The following HIBCH variants were observed in gnomAD, a reference collection of about 807,000 sequenced individuals.
The protein encoded by HIBCH is 3-hydroxyisobutyryl-CoA hydrolase.
Under a neutral mutation model 58.2 loss-of-function variants are expected in HIBCH, and 50 were observed. The ratio of observed to expected loss-of-function variants is 0.86; its 90% confidence interval spans 0.68 to 1.09. The LOEUF is 1.09. Ranked by LOEUF, HIBCH falls within the 50% of genes least tolerant of loss-of-function variation. The pLI is 0.00. For synonymous variants in HIBCH, 151 were observed against 146.9 expected, an observed-to-expected ratio of 1.03 and a Z score of -0.20; for missense variants, 450 against 449.7, an observed-to-expected ratio of 1.00 and a Z score of -0.01.
chr2:190,230,236 T>C (rs1686053591), intron 11 of HIBCH, among the ~76,000 whole-genome samples: 2 of 151,432 alleles, frequency 1.3e-5, no homozygotes, highest in Admixed American at 6.6e-5. Flanking sequence ...ATAAAGAGCC[T>C]GAAAATATAA....
At chr2:190,198,447 C>G (rs1690079798) in intron 1 of HIBCH, among the ~76,000 whole-genome samples, 1 of 151,886 alleles carries the variant, frequency 6.6e-6, no homozygotes, top group Non-Finnish European at 1.5e-5. Flanking sequence ...TCAAGACCAG[C>G]CTGGGCAAAA....
intron 11 of HIBCH, among the ~76,000 whole-genome samples, chr2:190,222,507 A>G (rs1164740536): frequency 6.6e-6 from 1 of 152,234 alleles, no homozygotes; most frequent in Non-Finnish European, 1.5e-5. Flanking sequence ...GCAGCCAACA[A>G]GCATATGAAA....
Position 190,254,996 on chromosome 2 carries a change from G to C in HIBCH, c.518-2689C>G, listed in dbSNP as rs951120224. Among the ~76,000 whole-genome samples the C allele has an allele frequency of 1.3e-4, 20 of 152,148 alleles. No homozygotes were observed. The highest frequency in any genetic ancestry group is 3.6e-4 in the African/African-American group (15 of 41,438). ...AAATTTTAAAAGCCACTTGTGGCTAGTGGCTATACAGTATTGGACAGTGTA... is the reference window on the plus strand; with the variant it reads ...AAATTTTAAAAGCCACTTGTGGCTACTGGCTATACAGTATTGGACAGTGTA... On this transcript the variant is annotated intron_variant, in intron 7 of 13. Coordinates refer to ENST00000359678, the MANE Select transcript of HIBCH (RefSeq NM_014362.4). This position sits in a 1 kb window ranked among gnomAD's most constrained non-coding sequence, Gnocchi z 5.0.
At chr2:190,280,240 C>G (rs1315008401) in intron 6 of HIBCH, among the ~76,000 whole-genome samples, 2 of 152,156 alleles carry the variant, frequency 1.3e-5, no homozygotes, top group African/African-American at 4.8e-5. Context: ...AATCTCCATT[C>G]CATGTCTGAA....
intron 11 of HIBCH, 58 bp downstream of exon 11, chr2:190,244,829 C>G (rs1334024121): frequency 3.7e-6 from 4 of 1,087,122 alleles, no homozygotes; most frequent in East Asian, 2.3e-5. Context: ...CTTAGAGAGG[C>G]TTCCCTGTCA....
rs1213528654 is a variant in HIBCH, at chr2:190,315,676, GA to G, written c.35+4039del. 1.3e-5 allele frequency among the ~76,000 whole-genome samples: 2 copies of G among 152,170 alleles called. No homozygotes were observed. The highest frequency in any genetic ancestry group is 2.9e-5 in the Non-Finnish European group (2 of 68,026). ...AAGTAGGCAAGGTGTGAACAGAGCA[GA>G]AAATCAAGTCCAGGAGGCCAATAAT... On this transcript the variant is annotated intron_variant, in intron 1 of 13. Transcript: ENST00000359678. The surrounding 1 kb of genome is among the most constrained non-coding windows in gnomAD (Gnocchi z 5.4).
chr2:190,232,377 G>A (rs2105921137), intron 11 of HIBCH, among the ~76,000 whole-genome samples: 1 of 152,310 alleles, frequency 6.6e-6, no homozygotes, highest in Admixed American at 6.5e-5. Flanking sequence ...CCTTTTGGCA[G>A]TCTGGAATTG....
chr2:190,198,213 G>T (rs1328684265), intron 1 of HIBCH, among the ~76,000 whole-genome samples: 1 of 152,168 alleles, frequency 6.6e-6, no homozygotes, highest in East Asian at 1.9e-4. Context: ...AACAGATGTA[G>T]TATTATGAGA....
chr2:190,246,133 C>CT, intron 10 of HIBCH, 21 bp downstream of exon 10: 2 of 1,385,018 alleles, frequency 1.4e-6, no homozygotes, highest in Non-Finnish European at 2.1e-6. Context: ...GAATATATAA[C>CT]TGAGATCTCT....
chr2:190,222,438 A>G (rs1685747729), intron 11 of HIBCH, among the ~76,000 whole-genome samples: 1 of 152,216 alleles, frequency 6.6e-6, no homozygotes. Flanking sequence ...AAAAAACCCA[A>G]GAAGAGAACA....
intron 6 of HIBCH, among the ~76,000 whole-genome samples, chr2:190,272,993 C>G (rs1687444592): frequency 6.6e-6 from 1 of 152,060 alleles, no homozygotes; most frequent in Non-Finnish European, 1.5e-5. Flanking sequence ...TCCATTACAT[C>G]TTGAAAAATC....
chr2:190,202,378 CAGTG>C (rs1036743958), downstream of HIBCH: 2 of 166,834 alleles, frequency 1.2e-5, no homozygotes, highest in Non-Finnish European at 2.9e-5. Context: ...CTTGCATAAT[CAGTG>C]AGCTAGTGGA....
chr2:190,266,672 G>C (rs1286742813), intron 6 of HIBCH, among the ~76,000 whole-genome samples: 2 of 152,064 alleles, frequency 1.3e-5, no homozygotes, highest in Non-Finnish European at 2.9e-5. Flanking sequence ...GGCTCCAGGT[G>C]ACGCGCCCGC....
rs554152036 is a variant in HIBCH at position 190,264,855 on chromosome 2, C to T, written c.439-3621G>A. ...TTAATCAGCCAGGTACAGTGGCTCA[C>T]GTAATGCCTATAATCCCAGCACTTT... On this transcript the variant is annotated intron_variant, in intron 6 of 13. Coordinates refer to ENST00000359678, the MANE Select transcript of HIBCH (RefSeq NM_014362.4). Among the ~76,000 whole-genome samples, 117 of 152,006 alleles carry T rather than the reference C, an allele frequency of 7.7e-4. 1 individual carries two copies. Among genetic ancestry groups the T allele is most frequent in the Non-Finnish European group, 1.3e-3 (88 of 67,950 alleles).
chr2:190,196,883 C>T (rs1559001524), intron 1 of HIBCH, among the ~76,000 whole-genome samples: 1 of 152,084 alleles, frequency 6.6e-6, no homozygotes, highest in Non-Finnish European at 1.5e-5. Context: ...TAACAAAATA[C>T]CAGAGACTAG....
intron 9 of HIBCH, 103 bp downstream of exon 9, chr2:190,249,537 T>G: frequency 1.5e-6 from 1 of 682,348 alleles, no homozygotes; most frequent in Non-Finnish European, 2.6e-6. Context: ...CCTTAGTACA[T>G]TTATTTATAT....
intron 8 of HIBCH, chr2:190,251,522 G>A (rs1686768075): frequency 6.7e-6 from 3 of 448,232 alleles, no homozygotes; most frequent in African/African-American, 6.2e-5. Flanking sequence ...TGTAACACAA[G>A]GAGTTTCAAC....
intron 6 of HIBCH, among the ~76,000 whole-genome samples, chr2:190,280,585 CAG>C (rs1402813553): frequency 3.3e-5 from 5 of 152,144 alleles, no homozygotes; most frequent in Non-Finnish European, 5.9e-5. Flanking sequence ...TGCAAAATTG[CAG>C]AGTTTAACTG....
chr2:190,208,876 T>A lies in HIBCH; in HGVS notation c.1045+4A>T. ...AAAATGGTAAGTTCCCATTTGCCAC[T>A]TACCAGCTCTAACGCCTTCATGAAA... On this transcript the variant is annotated splice_donor_region_variant and intron_variant, in intron 13 of 13. Transcript: ENST00000359678. 1 of 1,613,272 alleles carries A rather than the reference T, an allele frequency of 6.2e-7. No homozygotes were observed. The highest frequency in any genetic ancestry group is 8.5e-7 in the Non-Finnish European group (1 of 1,179,270).
Sources: allele counts gnomAD v4.1 joint callset (sites outside exome capture counted in the v4.1 genomes callset), GRCh38; gene constraint gnomAD v4.1.1; non-coding constraint Gnocchi (gnomAD v3.1); transcripts MANE v1.5; gene names NCBI Gene and HGNC (gene_info 2026-07-23, HGNC 2026-07-21).